Variants in MECOM observed in about 807,000 individuals in gnomAD.
The protein encoded by MECOM is histone-lysine N-methyltransferase MECOM.
A neutral mutation model predicts 116.3 loss-of-function variants in MECOM; 13 were observed. The ratio of observed to expected loss-of-function variants is 0.11; its 90% CI spans 0.07 to 0.18. MECOM has a LOEUF of 0.18. Among genes scored for constraint, MECOM ranks in the 10% least tolerant of loss-of-function variants. The pLI, the probability that MECOM is intolerant of heterozygous loss-of-function variation, is 1.00. For missense variants in MECOM, 1,299 were observed against 1,509.0 expected (o/e 0.86, Z 2.31); for synonymous variants, 528 against 535.2 (o/e 0.99, Z 0.19).
chr3:169,662,938 T>C (rs1560552514), intron 1 of MECOM, among the ~76,000 whole-genome samples: 6 of 143,534 alleles, frequency 4.2e-5, no homozygotes, highest in South Asian at 2.5e-4. Context: ...GAGGCAACTC[T>C]CCCCCGCCTG....
intron 1 of MECOM, among the ~76,000 whole-genome samples, chr3:169,622,256 A>C (rs540788183): frequency 2.0e-5 from 3 of 151,788 alleles, no homozygotes; most frequent in Non-Finnish European, 4.4e-5. Flanking sequence ...TGCCCGGCTA[A>C]TTTTTTTGTA....
chr3:169,641,349 A>C (rs971977666), intron 1 of MECOM, among the ~76,000 whole-genome samples: 53 of 152,276 alleles, frequency 3.5e-4, no homozygotes, highest in African/African-American at 1.2e-3. Flanking sequence ...GCATAGCCAC[A>C]CATCTGGGTA....
chr3:169,508,493 GAAGAGTAAACACAC>G (rs1233970712), intron 1 of MECOM, among the ~76,000 whole-genome samples: 1 of 150,386 alleles, frequency 6.6e-6, no homozygotes, highest in African/African-American at 2.5e-5. Flanking sequence ...TAATACAAAA[GAAGAGTAAACACAC>G]ATACACACTC....
intron 1 of MECOM, among the ~76,000 whole-genome samples, chr3:169,572,374 C>A (rs935358959): frequency 2.6e-5 from 4 of 151,822 alleles, no homozygotes; most frequent in African/African-American, 9.7e-5. Flanking sequence ...GAAATAGGAA[C>A]ACTTTTACAC....
chr3:169,245,397 T>A (rs1172567038), intron 2 of MECOM, among the ~76,000 whole-genome samples: 1 of 152,182 alleles, frequency 6.6e-6, no homozygotes, highest in Non-Finnish European at 1.5e-5. Context: ...ATTATCTTCA[T>A]ATTATATTTG....
At chr3:169,175,568 TG>T (rs1745036884) in intron 2 of MECOM, among the ~76,000 whole-genome samples, 1 of 152,202 alleles carries the variant, frequency 6.6e-6, no homozygotes, top group Non-Finnish European at 1.5e-5. Flanking sequence ...TGAAACACTC[TG>T]GTCCAAAGCA....
intron 1 of MECOM, among the ~76,000 whole-genome samples, chr3:169,632,807 C>T (rs867035693): frequency 1.1e-4 from 17 of 152,124 alleles, no homozygotes; most frequent in Admixed American, 2.0e-4. Flanking sequence ...TTTGATTTTC[C>T]GAGGCCCTAT....
chr3:169,633,367 T>C (rs1158737164), intron 1 of MECOM, among the ~76,000 whole-genome samples: 1 of 152,206 alleles, frequency 6.6e-6, no homozygotes, highest in Admixed American at 6.5e-5. Flanking sequence ...ATGATCCTTG[T>C]GTTCCCATTT....
intron 2 of MECOM, among the ~76,000 whole-genome samples, chr3:169,374,351 T>C (rs1032227512): frequency 6.6e-6 from 1 of 151,984 alleles, no homozygotes; most frequent in African/African-American, 2.4e-5. Context: ...ACCCAGTTTA[T>C]GGTATTCTGT....
At chr3:169,578,641 C>A (rs1284842719) in intron 1 of MECOM, among the ~76,000 whole-genome samples, 1 of 151,932 alleles carries the variant, frequency 6.6e-6, no homozygotes, top group Non-Finnish European at 1.5e-5. Context: ...TAAGTTAAAC[C>A]AAAGTAAATA....
intron 2 of MECOM, among the ~76,000 whole-genome samples, chr3:169,285,213 T>C: frequency 6.6e-6 from 1 of 152,138 alleles, no homozygotes; most frequent in East Asian, 1.9e-4. Flanking sequence ...GTCTGTGCCA[T>C]GGTGGACAGG....
chr3:169,264,614 T>C (rs966922617), intron 2 of MECOM, among the ~76,000 whole-genome samples: 1 of 152,170 alleles, frequency 6.6e-6, no homozygotes, highest in African/African-American at 2.4e-5. Flanking sequence ...AGAAAGCAGA[T>C]ACAGAGAAGT....
At chr3:169,140,639 C>A (rs1480548210) in intron 3 of MECOM, among the ~76,000 whole-genome samples, 1 of 151,152 alleles carries the variant, frequency 6.6e-6, no homozygotes, top group African/African-American at 2.4e-5. Flanking sequence ...TCTTTCTAGG[C>A]AGCACTGACA....
chr3:169,090,071 A>C lies in MECOM; in HGVS notation c.3330T>G (p.His1110Gln). The C allele has an allele frequency of 6.2e-7, 1 of 1,613,650 alleles. No homozygotes were observed. The highest frequency in any genetic ancestry group is 1.3e-5 in the African/African-American group (1 of 75,012). ...TGKEPVTSNL[H>Q]EGNPEDDYEE... ...CATAGTCATCCTCAGGGTTTCCTTC[A>C]TGTAAATTACTTGTCACTGGTTCCT... Residue 1110 changes from histidine (H) to glutamine (Q), a missense_variant, in exon 15 of 17, where the codon CAT becomes CAG. His to Gln is a conservative substitution (Grantham distance 24). This residue lies in a region of MECOM where 273 missense variants were observed against 289.3 expected (regional missense o/e 0.94). Transcript: ENST00000651503.
chr3:169,147,715 GGTGTGTGTGTGTGTGTGTGCGCGCGA>G (rs1163325006), intron 2 of MECOM: 1 of 924,580 alleles, frequency 1.1e-6, no homozygotes, highest in African/African-American at 1.9e-5. Flanking sequence ...GCACAAGTGT[GGTGTGTGTGTGTGTGTGTGCGCGCGA>G]GTGTGTGTGT....
intron 2 of MECOM, among the ~76,000 whole-genome samples, chr3:169,191,712 G>GAAAA: frequency 2.3e-5 from 1 of 44,336 alleles, no homozygotes; most frequent in South Asian, 9.6e-4. Flanking sequence ...AAGAAAGAAA[G>GAAAA]AAAGAAAAAA....
At chr3:169,138,921 G>T (rs1737216843) in intron 3 of MECOM, among the ~76,000 whole-genome samples, 1 of 152,014 alleles carries the variant, frequency 6.6e-6, no homozygotes, top group Admixed American at 6.6e-5. Context: ...TGCTGTTCTA[G>T]TGTCACAGCA....
chr3:169,327,543 C>T (rs558995060), intron 2 of MECOM, among the ~76,000 whole-genome samples: 26 of 145,870 alleles, frequency 1.8e-4, no homozygotes, highest in Non-Finnish European at 2.8e-4. Context: ...GAGGCTGAGG[C>T]GGGAGAATTG....
intron 2 of MECOM, among the ~76,000 whole-genome samples, chr3:169,313,817 A>G (rs115575063): frequency 0.019 from 2,843 of 152,234 alleles, 76 homozygotes; most frequent in African/African-American, 0.061. Context: ...GAGCTTGGGA[A>G]TGGCCAGTTG....
Sources: gnomAD v4.1 joint callset for allele counts (sites outside exome capture counted in the v4.1 genomes callset) on GRCh38, gnomAD v4.1.1 for gene constraint, gnomAD v4.1.1 regional missense constraint, MANE v1.5 for transcripts, NCBI Gene and HGNC (gene_info 2026-07-23, HGNC 2026-07-21) for gene names.